Variants in MDGA2 observed in about 807,000 individuals in gnomAD.
MDGA2 encodes the protein MAM domain-containing glycosylphosphatidylinositol anchor protein 2.
In MDGA2, 40 loss-of-function variants were observed where a neutral mutation model predicts 117.8. The ratio of observed to expected loss-of-function variants is 0.34; its 90% CI spans 0.26 to 0.44. MDGA2 has a LOEUF of 0.44. MDGA2 is among the 20% of genes least tolerant of loss of function. The pLI is 1.00. For synonymous variants in MDGA2, 452 were observed against 439.0 expected, an observed-to-expected ratio of 1.03 and a Z score of -0.37; for missense variants, 1,123 against 1,250.6, an observed-to-expected ratio of 0.90 and a Z score of 1.54.
chr14:46,886,285 T>C (rs1882673566), intron 10 of MDGA2, among the ~76,000 whole-genome samples: 1 of 152,002 alleles, frequency 6.6e-6, no homozygotes, highest in Admixed American at 6.6e-5. Context: ...GATAATGAAA[T>C]TGTAGACTCT....
intron 1 of MDGA2, among the ~76,000 whole-genome samples, chr14:47,480,117 C>A (rs1442225343): frequency 1.3e-5 from 2 of 152,040 alleles, no homozygotes; most frequent in Admixed American, 1.3e-4. Flanking sequence ...TTATTTCACA[C>A]CTAAGTTTTT....
At chr14:47,572,496 A>G (rs1896039339) in intron 1 of MDGA2, among the ~76,000 whole-genome samples, 2 of 152,204 alleles carry the variant, frequency 1.3e-5, no homozygotes, top group Admixed American at 6.5e-5. Context: ...CGATTCAAAC[A>G]TAAGAATCGA....
intron 1 of MDGA2, among the ~76,000 whole-genome samples, chr14:47,669,489 G>T (rs1261894550): frequency 6.6e-6 from 1 of 152,108 alleles, no homozygotes; most frequent in African/African-American, 2.4e-5. Flanking sequence ...GGAAATATAG[G>T]ACATGAGCAA....
At chr14:47,179,335 T>C (rs1319594308) in intron 3 of MDGA2, among the ~76,000 whole-genome samples, 1 of 152,114 alleles carries the variant, frequency 6.6e-6, no homozygotes, top group African/African-American at 2.4e-5. Flanking sequence ...ACTATTTTTC[T>C]TCTATTTATA....
At chr14:47,193,320 G>A (rs1885178930) in intron 3 of MDGA2, among the ~76,000 whole-genome samples, 1 of 152,012 alleles carries the variant, frequency 6.6e-6, no homozygotes, top group Non-Finnish European at 1.5e-5. Flanking sequence ...CACATTGTAT[G>A]GTAGGTACCA....
At chr14:47,289,691 T>C (rs1427228632) in intron 2 of MDGA2, among the ~76,000 whole-genome samples, 2 of 152,172 alleles carry the variant, frequency 1.3e-5, no homozygotes, top group Admixed American at 6.6e-5. Flanking sequence ...CAATTCTATG[T>C]TGACAGATGG....
At chr14:47,641,921 G>C (rs1234935718) in intron 1 of MDGA2, among the ~76,000 whole-genome samples, 1 of 152,082 alleles carries the variant, frequency 6.6e-6, no homozygotes, top group East Asian at 1.9e-4. Context: ...GAGCAGAGGA[G>C]AGTGAAGGGG....
chr14:47,550,496 G>T (rs1479289296), intron 1 of MDGA2, among the ~76,000 whole-genome samples: 1 of 152,170 alleles, frequency 6.6e-6, no homozygotes, highest in Non-Finnish European at 1.5e-5. Context: ...CACTGATATT[G>T]CAGAGAATGT....
chr14:47,444,272 T>A (rs923075174), intron 1 of MDGA2: 1 of 162,746 alleles, frequency 6.1e-6, no homozygotes, highest in Non-Finnish European at 1.4e-5. Context: ...TTGAGGCTAA[T>A]CATGCCACAC....
At chr14:47,531,309 T>C (rs571218378) in intron 1 of MDGA2, among the ~76,000 whole-genome samples, 11 of 152,282 alleles carry the variant, frequency 7.2e-5, no homozygotes, top group African/African-American at 2.4e-4. Flanking sequence ...ATATAATTCT[T>C]TGGATCTGGT....
At chr14:47,173,224 T>C (rs1462872925) in intron 3 of MDGA2, among the ~76,000 whole-genome samples, 1 of 152,186 alleles carries the variant, frequency 6.6e-6, no homozygotes, top group Non-Finnish European at 1.5e-5. Flanking sequence ...GAAAACACTC[T>C]GCAGGATATT....
chr14:46,869,993 G>T (rs974866488), intron 14 of MDGA2, among the ~76,000 whole-genome samples: 1 of 151,886 alleles, frequency 6.6e-6, no homozygotes, highest in Non-Finnish European at 1.5e-5. Flanking sequence ...TTATGGTGGA[G>T]TCCTTTTCTG....
chr14:47,370,394 T>C (rs995933736), intron 1 of MDGA2, among the ~76,000 whole-genome samples: 14 of 147,352 alleles, frequency 9.5e-5, no homozygotes, highest in African/African-American at 3.2e-4. Context: ...TACAAAACCC[T>C]CTCTTATGAA....
chr14:47,326,513 A>T lies in MDGA2; in HGVS notation c.281-24963T>A, dbSNP rs142140085. 1.2e-3 allele frequency among the ~76,000 whole-genome samples: 179 copies of T among 152,166 alleles called. 2 individuals carry two copies. The East Asian group carries it at 0.016, about 13-fold the overall frequency. ...TCCTCTCTAGTACAACTTTCCTCCT[A>T]CTGATCTAGTTAAAGTTACTTTCAC... is the stretch of plus-strand genomic sequence containing the variant. On this transcript the variant is annotated intron_variant, in intron 1 of 16. Transcript: ENST00000399232.
chr14:46,929,448 G>A (rs947997900), intron 9 of MDGA2, among the ~76,000 whole-genome samples: 1 of 150,496 alleles, frequency 6.6e-6, no homozygotes, highest in African/African-American at 2.4e-5. Flanking sequence ...TGGGTCTATG[G>A]AATTACTTGC....
intron 3 of MDGA2, among the ~76,000 whole-genome samples, chr14:47,197,157 G>A (rs934051147): frequency 6.6e-5 from 10 of 151,962 alleles, no homozygotes; most frequent in South Asian, 2.1e-4. Context: ...TTTATAATAC[G>A]TAATACATAT....
chr14:46,919,120 G>C (rs767632675), intron 10 of MDGA2, among the ~76,000 whole-genome samples: 54 of 152,118 alleles, frequency 3.5e-4, no homozygotes, highest in Admixed American at 5.9e-4. Context: ...AAACACAATG[G>C]TTTTATGATA....
intron 4 of MDGA2, among the ~76,000 whole-genome samples, chr14:47,133,223 T>C (rs1406434924): frequency 1.3e-5 from 2 of 151,876 alleles, no homozygotes; most frequent in Non-Finnish European, 2.9e-5. Flanking sequence ...AGTATACACA[T>C]AAATCTATAT....
At chr14:47,480,975 G>A (rs2138634383) in intron 1 of MDGA2, among the ~76,000 whole-genome samples, 1 of 152,004 alleles carries the variant, frequency 6.6e-6, no homozygotes, top group South Asian at 2.1e-4. Flanking sequence ...TACGAGAGTA[G>A]AAATGGATAA....
Sources: allele counts gnomAD v4.1 joint callset (sites outside exome capture counted in the v4.1 genomes callset), GRCh38; gene constraint gnomAD v4.1.1; transcripts MANE v1.5; gene names NCBI Gene and HGNC (gene_info 2026-07-23, HGNC 2026-07-21).